SMPD3: variants seen among roughly 807,000 people sequenced by gnomAD.
The protein encoded by SMPD3 is sphingomyelin phosphodiesterase 3.
A neutral mutation model predicts 55.7 loss-of-function variants in SMPD3; 21 were observed. That is an observed-to-expected ratio of 0.38 (90% CI 0.27 to 0.54). The LOEUF is 0.54. SMPD3 is among the 20% of genes least tolerant of loss of function. The probability of loss-of-function intolerance (pLI) is 0.80; values close to 1 mark genes in which losing one functional copy is unlikely to be tolerated. For missense variants in SMPD3, 842 were observed against 899.6 expected (o/e 0.94, Z 0.82); for synonymous variants, 457 against 404.3 (o/e 1.13, Z -1.56).
intron 1 of SMPD3, among the ~76,000 whole-genome samples, chr16:68,443,712 A>T (rs2090585730): frequency 6.6e-6 from 1 of 152,202 alleles, no homozygotes; most frequent in Non-Finnish European, 1.5e-5. Flanking sequence ...TCCTTGCTGA[A>T]CTTGGAAAGA....
At chr16:68,415,307 G>A (rs755601181) in intron 1 of SMPD3, among the ~76,000 whole-genome samples, 40 of 152,302 alleles carry the variant, frequency 2.6e-4, no homozygotes, top group Non-Finnish European at 4.6e-4. Flanking sequence ...GCTAGAGAGC[G>A]TGGAGTGGGT....
intron 2 of SMPD3, among the ~76,000 whole-genome samples, chr16:68,383,665 T>C (rs1199473129): frequency 6.6e-6 from 1 of 152,136 alleles, no homozygotes; most frequent in Non-Finnish European, 1.5e-5. Context: ...CCCTCCCTTC[T>C]CGGCTGATCC....
At chr16:68,414,948 C>T (rs1248862388) in intron 1 of SMPD3, among the ~76,000 whole-genome samples, 28 of 152,110 alleles carry the variant, frequency 1.8e-4, no homozygotes, top group Non-Finnish European at 3.5e-4. Context: ...GGGGGTCTTT[C>T]AGGCCTCTGA....
intron 1 of SMPD3, among the ~76,000 whole-genome samples, chr16:68,427,049 TGCA>T (rs2090441798): frequency 7.0e-6 from 1 of 143,108 alleles, no homozygotes; most frequent in South Asian, 2.2e-4. Context: ...CAGGCTGGAG[TGCA>T]GTGGTGAGAT....
At chr16:68,425,886 C>T (rs1003550070) in intron 1 of SMPD3, among the ~76,000 whole-genome samples, 5 of 152,068 alleles carry the variant, frequency 3.3e-5, no homozygotes, top group East Asian at 1.9e-4. Flanking sequence ...CACTATGCCG[C>T]GAGGAAGTCA....
intron 3 of SMPD3, among the ~76,000 whole-genome samples, chr16:68,370,503 G>A (rs926733011): frequency 6.6e-5 from 10 of 152,040 alleles, no homozygotes; most frequent in Non-Finnish European, 1.3e-4. Context: ...GGCTACCACC[G>A]CCACTCTTGC....
intron 1 of SMPD3, among the ~76,000 whole-genome samples, chr16:68,407,637 T>G (rs2090264964): frequency 1.3e-5 from 2 of 152,148 alleles, no homozygotes; most frequent in Non-Finnish European, 2.9e-5. Context: ...AGGAGCCTAT[T>G]GTTGTATTTT....
chr16:68,360,139 A>G lies in SMPD3; in HGVS notation c.*1067T>C, dbSNP rs536546716. On this transcript the variant is annotated 3_prime_UTR_variant, in exon 9 of 9. Coordinates refer to ENST00000219334, the MANE Select transcript of SMPD3 (RefSeq NM_018667.4). ...AGAGCCGCAGCCCCACCCGGGGGGC[A>G]GGCAGGGGTTCCTGAGCTCAGCCGG... The G allele has an allele frequency of 3.2e-3, 492 of 152,746 alleles. 1 individual carries two copies. The highest frequency in any genetic ancestry group is 4.8e-3 in the Non-Finnish European group (330 of 68,150). 9.5% of individuals were successfully genotyped at this position (152,746 alleles called of 1,614,324 possible). A position where few individuals can be genotyped will look rare whatever the true frequency, so the allele number is the denominator to read the frequency against.
intron 1 of SMPD3, among the ~76,000 whole-genome samples, chr16:68,399,430 C>A (rs1311453959): frequency 1.3e-5 from 2 of 152,218 alleles, no homozygotes; most frequent in African/African-American, 2.4e-5. Flanking sequence ...CCTGGTCCCA[C>A]AGGCCTTGGA....
intron 1 of SMPD3, among the ~76,000 whole-genome samples, chr16:68,405,753 G>A (rs2090249879): frequency 6.6e-6 from 1 of 151,844 alleles, no homozygotes; most frequent in South Asian, 2.1e-4. Context: ...AGAAATGCCC[G>A]CCTGGCCACA....
At chr16:68,379,469 G>C (rs1160770505) in intron 2 of SMPD3, among the ~76,000 whole-genome samples, 1 of 152,202 alleles carries the variant, frequency 6.6e-6, no homozygotes, top group African/African-American at 2.4e-5. Context: ...TTATCATTTT[G>C]CTATCACTGT....
chr16:68,435,116 C>G (rs1426670170), intron 1 of SMPD3, among the ~76,000 whole-genome samples: 1 of 101,406 alleles, frequency 9.9e-6, no homozygotes, highest in African/African-American at 3.4e-5. Flanking sequence ...TCCACTGGCC[C>G]TTGTTTGAGA....
In SMPD3 at chr16:68,360,599, A is replaced by AC. The variant is rs2089199707; in HGVS notation, c.*606dup. The stretch of plus-strand genomic sequence containing the variant: ...AAATGTAATTGCCCTTGAATGCGAG[A>AC]CCCTGGGAAGAGCCCTGGGCTGGCT... On this transcript the variant is annotated 3_prime_UTR_variant, in exon 9 of 9. Transcript: ENST00000219334. 1 of 153,016 alleles carries AC rather than the reference A, an allele frequency of 6.5e-6. No homozygotes were observed. The allele number at this position is 153,016 out of a possible 1,614,324, so 9.5% of individuals were successfully genotyped here.
intron 6 of SMPD3, 83 bp from the exon 7 acceptor site, chr16:68,363,642 G>A (rs772388809): frequency 5.7e-5 from 83 of 1,463,460 alleles, no homozygotes; most frequent in Middle Eastern, 2.1e-4. Flanking sequence ...GGGTGGACAC[G>A]GGCTTCTGCT....
chr16:68,382,433 A>G (rs1453577117), intron 2 of SMPD3, among the ~76,000 whole-genome samples: 1 of 152,254 alleles, frequency 6.6e-6, no homozygotes, highest in Non-Finnish European at 1.5e-5. Context: ...TGGGCGAGTC[A>G]GATGCAGCAT....
intron 7 of SMPD3, 70 bp from the exon 8 acceptor site, chr16:68,361,829 G>C (rs1472222254): frequency 3.9e-6 from 6 of 1,553,928 alleles, no homozygotes; most frequent in Non-Finnish European, 5.2e-6. Context: ...GGCTGTGTGT[G>C]GAGCCATGGT....
intron 1 of SMPD3, among the ~76,000 whole-genome samples, chr16:68,397,864 G>A (rs952889368): frequency 7.2e-5 from 11 of 152,200 alleles, no homozygotes; most frequent in African/African-American, 2.7e-4. Context: ...ATTGCTCCTG[G>A]CACCACCCCA....
chr16:68,389,110 C>T (rs2090088042), intron 1 of SMPD3, among the ~76,000 whole-genome samples: 1 of 152,242 alleles, frequency 6.6e-6, no homozygotes, highest in Non-Finnish European at 1.5e-5. Context: ...GCCTGCAATG[C>T]TGCTCTCCTG....
At chr16:68,373,039 C>G (rs932054571) in intron 2 of SMPD3, among the ~76,000 whole-genome samples, 3 of 152,228 alleles carry the variant, frequency 2.0e-5, no homozygotes, top group African/African-American at 2.4e-5. Context: ...CTCCACTGAC[C>G]GCGGGAGAAA....
Sources: allele counts gnomAD v4.1 joint callset (sites outside exome capture counted in the v4.1 genomes callset), GRCh38; gene constraint gnomAD v4.1.1; transcripts MANE v1.5; gene names NCBI Gene and HGNC (gene_info 2026-07-23, HGNC 2026-07-21).